Variants in CSNK1G3 observed in about 807,000 individuals in gnomAD.
The protein encoded by CSNK1G3 is casein kinase 1 gamma 3, also known as casein kinase I isoform gamma-3.
Under a neutral mutation model 64.3 loss-of-function variants are expected in CSNK1G3, and 23 were observed. The observed-to-expected ratio is 0.36, with a 90% CI of 0.26 to 0.51. The LOEUF is 0.51. Among genes scored for constraint, CSNK1G3 ranks in the 20% least tolerant of loss-of-function variants. The probability of loss-of-function intolerance (pLI) is 0.96; values close to 1 mark genes in which losing one functional copy is unlikely to be tolerated. For missense variants in CSNK1G3, 357 were observed against 510.5 expected, an observed-to-expected ratio of 0.70 and a Z score of 2.90; for synonymous variants, 158 against 162.2, an observed-to-expected ratio of 0.97 and a Z score of 0.20.
chr5:123,554,399 G>C (rs548467965), intron 3 of CSNK1G3, among the ~76,000 whole-genome samples: 1 of 152,166 alleles, frequency 6.6e-6, no homozygotes, highest in Non-Finnish European at 1.5e-5. Flanking sequence ...AGGAAAGAGT[G>C]AATTTCTAAC....
intron 1 of CSNK1G3, among the ~76,000 whole-genome samples, chr5:123,525,636 A>G (rs1778919578): frequency 6.6e-6 from 1 of 152,102 alleles, no homozygotes; most frequent in South Asian, 2.1e-4. Context: ...TCAAACACAC[A>G]AAGTGTTTCC....
rs1794733192 is a variant in CSNK1G3, at chr5:123,602,897, A to T, written c.1087-1827A>T. On this transcript the variant is annotated intron_variant, in intron 10 of 12. Coordinates refer to ENST00000345990, the Ensembl canonical transcript of CSNK1G3. ...CACTGTGCTTTATATATTAACATTT[A>T]TGTATTGATCTCATCTCACCCTCAT... is the stretch of plus-strand genomic sequence containing the variant. Among the ~76,000 whole-genome samples the T allele has an allele frequency of 2.6e-5, 4 of 152,128 alleles. No homozygotes were observed. In the South Asian group the frequency reaches 8.3e-4, roughly 32 times the overall value.
intron 3 of CSNK1G3, among the ~76,000 whole-genome samples, chr5:123,555,160 A>G (rs1784404132): frequency 6.6e-6 from 1 of 152,206 alleles, no homozygotes; most frequent in Non-Finnish European, 1.5e-5. Context: ...AATGATCAGC[A>G]TTACATGTAA....
At chr5:123,597,156 A>G (rs1444122503) in intron 10 of CSNK1G3, among the ~76,000 whole-genome samples, 1 of 151,798 alleles carries the variant, frequency 6.6e-6, no homozygotes, top group Non-Finnish European at 1.5e-5. Flanking sequence ...GAGGAGAGAA[A>G]GAGAAAAAAA....
intron 4 of CSNK1G3, among the ~76,000 whole-genome samples, chr5:123,565,854 C>A (rs1374401292): frequency 6.6e-6 from 1 of 152,146 alleles, no homozygotes; most frequent in Non-Finnish European, 1.5e-5. Context: ...AACTCAAAAT[C>A]ATGAGAACAG....
exon 13 of CSNK1G3, chr5:123,615,895 G>A (rs1749366287): frequency 2.0e-5 from 3 of 152,014 alleles, no homozygotes; most frequent in Admixed American, 6.5e-5. Context: ...CATTTAAGAT[G>A]TATATTAAAG....
At chr5:123,565,910 T>C (rs1334283771) in intron 4 of CSNK1G3, among the ~76,000 whole-genome samples, 3 of 152,122 alleles carry the variant, frequency 2.0e-5, no homozygotes, top group Non-Finnish European at 2.9e-5. Flanking sequence ...TTAACTCCCA[T>C]CAGGCCCCAC....
intron 10 of CSNK1G3, among the ~76,000 whole-genome samples, chr5:123,594,021 G>A (rs912305480): frequency 6.6e-6 from 1 of 152,084 alleles, no homozygotes; most frequent in African/African-American, 2.4e-5. Flanking sequence ...AGAGCATTAT[G>A]CTCTGAGTTG....
At chr5:123,520,496 G>C (rs1361643348) in intron 1 of CSNK1G3, among the ~76,000 whole-genome samples, 25 of 149,598 alleles carry the variant, frequency 1.7e-4, no homozygotes, top group Non-Finnish European at 1.6e-4. Flanking sequence ...TTTTTTTGAG[G>C]GGGGTAGAAT....
At chr5:123,588,310 C>G (rs1044951613) in intron 7 of CSNK1G3, 117 bp from the exon 8 acceptor site, 10 of 1,050,468 alleles carry the variant, frequency 9.5e-6, no homozygotes, top group Admixed American at 9.5e-5. Context: ...CTCCTGGGCT[C>G]AAGCATTCCT....
intron 10 of CSNK1G3, among the ~76,000 whole-genome samples, chr5:123,599,810 G>A (rs1289643049): frequency 6.6e-6 from 1 of 151,652 alleles, no homozygotes; most frequent in African/African-American, 2.4e-5. Flanking sequence ...ATCTAGTTTA[G>A]GAAATTCCTT....
intron 12 of CSNK1G3, among the ~76,000 whole-genome samples, chr5:123,609,189 A>G (rs947497668): frequency 6.6e-6 from 1 of 152,172 alleles, no homozygotes; most frequent in Non-Finnish European, 1.5e-5. Flanking sequence ...AAATTTGGAC[A>G]TTATCTTTCT....
chr5:123,610,847 G>T (rs772633862), intron 12 of CSNK1G3, among the ~76,000 whole-genome samples: 1 of 152,098 alleles, frequency 6.6e-6, no homozygotes, highest in Non-Finnish European at 1.5e-5. Context: ...CCAGCTCGGC[G>T]CCTGTAGTCC....
chr5:123,595,264 A>C, intron 10 of CSNK1G3, 130 bp downstream of exon 11: 1 of 800,792 alleles, frequency 1.2e-6, no homozygotes, highest in Middle Eastern at 2.8e-4. Flanking sequence ...CCATAATTCT[A>C]TTCCTTTGTT....
intron 4 of CSNK1G3, among the ~76,000 whole-genome samples, chr5:123,573,032 T>C (rs1217340223): frequency 2.0e-5 from 3 of 152,224 alleles, no homozygotes; most frequent in African/African-American, 7.2e-5. Context: ...GTAGTGACTC[T>C]CTTTTCAGTA....
intron 1 of CSNK1G3, among the ~76,000 whole-genome samples, chr5:123,531,081 C>T (rs1030129401): frequency 2.6e-5 from 4 of 152,026 alleles, no homozygotes; most frequent in Non-Finnish European, 5.9e-5. Flanking sequence ...CTGAATGAGT[C>T]GTTTCATATA....
intron 4 of CSNK1G3, among the ~76,000 whole-genome samples, chr5:123,564,557 A>G (rs1320626016): frequency 2.0e-5 from 3 of 152,066 alleles, no homozygotes; most frequent in African/African-American, 7.2e-5. Flanking sequence ...CATAGAGTCC[A>G]TTTTTTCCTT....
chr5:123,576,086 TC>T, intron 6 of CSNK1G3, 123 bp downstream of exon 6: 1 of 596,666 alleles, frequency 1.7e-6, no homozygotes, highest in East Asian at 2.8e-5. Context: ...TTTTCATTTA[TC>T]ACATCTACCT....
At chr5:123,571,775 A>T (rs2150666480) in intron 4 of CSNK1G3, among the ~76,000 whole-genome samples, 1 of 142,560 alleles carries the variant, frequency 7.0e-6, no homozygotes, top group South Asian at 2.2e-4. Flanking sequence ...ACTGAAAAAA[A>T]ATCACTTGGA....
Sources: gnomAD v4.1 joint callset for allele counts (sites outside exome capture counted in the v4.1 genomes callset) on GRCh38, gnomAD v4.1.1 for gene constraint, MANE v1.5 for transcripts, NCBI Gene and HGNC (gene_info 2026-07-23, HGNC 2026-07-21) for gene names.